ARHGAP26: variants seen among roughly 807,000 people sequenced by gnomAD.
ARHGAP26 encodes the protein rho GTPase-activating protein 26.
A neutral mutation model predicts 104.8 loss-of-function variants in ARHGAP26; 38 were observed. That is an observed-to-expected ratio of 0.36 (90% CI 0.28 to 0.48). ARHGAP26 has a LOEUF of 0.48. ARHGAP26 is among the 20% of genes least tolerant of loss of function. ARHGAP26 has a pLI of 0.99. For missense variants in ARHGAP26, 704 were observed against 947.9 expected, an observed-to-expected ratio of 0.74 and a Z score of 3.38; for synonymous variants, 341 against 340.0, an observed-to-expected ratio of 1.00 and a Z score of -0.03.
intron 14 of ARHGAP26, among the ~76,000 whole-genome samples, chr5:143,043,319 C>T (rs1783745889): frequency 6.6e-6 from 1 of 152,140 alleles, no homozygotes; most frequent in African/African-American, 2.4e-5. Flanking sequence ...TTGGGATTGG[C>T]ATTGTTTTTC....
chr5:143,092,946 G>A (rs906858371), intron 17 of ARHGAP26, among the ~76,000 whole-genome samples: 1 of 152,232 alleles, frequency 6.6e-6, no homozygotes, highest in African/African-American at 2.4e-5. Context: ...CTCAATCACC[G>A]GGGAGGAACC....
At chr5:142,851,389 G>A (rs112664710) in intron 1 of ARHGAP26, among the ~76,000 whole-genome samples, 2,875 of 152,274 alleles carry the variant, frequency 0.019, 101 homozygotes, top group African/African-American at 0.063. Context: ...GAGCCGCTGC[G>A]CCCAGCCGGA....
intron 19 of ARHGAP26, among the ~76,000 whole-genome samples, chr5:143,137,724 C>G (rs892618775): frequency 6.6e-6 from 1 of 152,234 alleles, no homozygotes; most frequent in Non-Finnish European, 1.5e-5. Flanking sequence ...TCAGTCCTCT[C>G]TCCAGTCCGC....
intron 4 of ARHGAP26, among the ~76,000 whole-genome samples, chr5:142,880,437 G>T (rs1756805843): frequency 6.6e-6 from 1 of 151,968 alleles, no homozygotes; most frequent in Admixed American, 6.6e-5. Context: ...AGAATCGCTT[G>T]AACCCAGGAG....
intron 18 of ARHGAP26, among the ~76,000 whole-genome samples, chr5:143,122,533 G>T (rs189419782): frequency 6.6e-6 from 1 of 152,314 alleles, no homozygotes; most frequent in African/African-American, 2.4e-5. Context: ...TTAGTTTAAA[G>T]ATGTTAATTG....
In ARHGAP26 at chr5:142,867,288, G is replaced by GGTGTGTGT. The variant is rs70991782; in HGVS notation, c.155-6079_155-6072dup. 8.8e-3 allele frequency among the ~76,000 whole-genome samples: 1,262 copies of GGTGTGTGT among 143,682 alleles called. 10 individuals are homozygous for GGTGTGTGT. The highest frequency in any genetic ancestry group is 0.025 in the African/African-American group (968 of 39,148). The allele number at this position is 143,682 out of a possible 152,430, so 94.3% of individuals were successfully genotyped here. On this transcript the variant is annotated intron_variant, in intron 1 of 22. Coordinates refer to ENST00000645722, the MANE Select transcript of ARHGAP26 (RefSeq NM_001135608.3). The stretch of plus-strand genomic sequence containing the variant: ...TTGTTTCATTCTAAGATTTGCACAG[G>GGTGTGTGT]GTGTGTGTGTGTGTGTGTGTGTGTG...
At chr5:143,073,743 C>T (rs1788597520) in intron 17 of ARHGAP26, among the ~76,000 whole-genome samples, 1 of 152,200 alleles carries the variant, frequency 6.6e-6, no homozygotes, top group South Asian at 2.1e-4. Context: ...CCATCAGTAT[C>T]TTAACTTGGG....
At chr5:143,177,554 G>C (rs752398477) in intron 20 of ARHGAP26, among the ~76,000 whole-genome samples, 1 of 152,206 alleles carries the variant, frequency 6.6e-6, no homozygotes, top group East Asian at 1.9e-4. Context: ...GAGACAAGGT[G>C]CTGTCGGCAG....
chr5:142,814,234 G>C (rs1764675840), intron 1 of ARHGAP26, among the ~76,000 whole-genome samples: 1 of 152,246 alleles, frequency 6.6e-6, no homozygotes, highest in African/African-American at 2.4e-5. Flanking sequence ...ACTTTGTCAA[G>C]AGTTGGGAAC....
intron 14 of ARHGAP26, among the ~76,000 whole-genome samples, chr5:143,046,007 A>G (rs979325785): frequency 2.0e-5 from 3 of 152,124 alleles, no homozygotes; most frequent in African/African-American, 7.2e-5. Context: ...GGTGGTGCAC[A>G]CCTGTAATCC....
At chr5:142,799,242 T>C (rs1390996260) in intron 1 of ARHGAP26, among the ~76,000 whole-genome samples, 3 of 152,110 alleles carry the variant, frequency 2.0e-5, no homozygotes, top group Admixed American at 1.3e-4. Flanking sequence ...TTTAGAGATA[T>C]GTGTTTCTGC....
At chr5:143,128,700 G>A (rs373107339) in intron 18 of ARHGAP26, among the ~76,000 whole-genome samples, 1 of 152,228 alleles carries the variant, frequency 6.6e-6, no homozygotes, top group Non-Finnish European at 1.5e-5. Flanking sequence ...GTGCTCAACT[G>A]TTGTAGGTCT....
chr5:143,211,882 GC>G (rs1248926843), intron 21 of ARHGAP26, among the ~76,000 whole-genome samples: 1 of 152,060 alleles, frequency 6.6e-6, no homozygotes, highest in Non-Finnish European at 1.5e-5. Flanking sequence ...CTATGTTATT[GC>G]CACTTCATTA....
intron 1 of ARHGAP26, among the ~76,000 whole-genome samples, chr5:142,786,890 C>G (rs889342768): frequency 6.6e-6 from 1 of 152,028 alleles, no homozygotes; most frequent in Non-Finnish European, 1.5e-5. Flanking sequence ...CGTGATCTGC[C>G]CGCCTTGGCC....
In ARHGAP26 at chr5:143,012,544, C is replaced by CATATATATATATATATATAT. The variant is rs1562259165; in HGVS notation, c.1108-1533_1108-1532insTATATATATATATATATATA. ...GTCACTGGAGGGATATATTTATATA[C>CATATATATATATATATATAT]ATACATACATATATATATATATATA... On this transcript the variant is annotated intron_variant, in intron 11 of 22. Coordinates refer to ENST00000645722, the MANE Select transcript of ARHGAP26 (RefSeq NM_001135608.3). Among the ~76,000 whole-genome samples, 6 of 43,080 alleles carry CATATATATATATATATATAT rather than the reference C, an allele frequency of 1.4e-4. 1 individual carries two copies. Among genetic ancestry groups the CATATATATATATATATATAT allele is most frequent in the African/African-American group, 2.5e-4 (4 of 15,842 alleles). The allele number at this position is 43,080 out of a possible 152,430, so 28.3% of individuals were successfully genotyped here.
chr5:142,801,067 G>C (rs767528222), intron 1 of ARHGAP26, among the ~76,000 whole-genome samples: 2 of 152,162 alleles, frequency 1.3e-5, no homozygotes, highest in Non-Finnish European at 2.9e-5. Flanking sequence ...TCCTGTTCTT[G>C]AGGCATCTTT....
At chr5:142,848,015 C>T (rs563841290) in intron 1 of ARHGAP26, among the ~76,000 whole-genome samples, 1 of 152,194 alleles carries the variant, frequency 6.6e-6, no homozygotes, top group African/African-American at 2.4e-5. Context: ...TGCCTACCAC[C>T]TGGGAGGGGC....
intron 1 of ARHGAP26, among the ~76,000 whole-genome samples, chr5:142,790,851 T>C (rs1048086225): frequency 6.6e-6 from 1 of 152,166 alleles, no homozygotes; most frequent in African/African-American, 2.4e-5. Context: ...TGACCTAAAG[T>C]CTCAGGTAGC....
intron 21 of ARHGAP26, among the ~76,000 whole-genome samples, chr5:143,207,911 C>T (rs573499980): frequency 1.3e-5 from 2 of 152,352 alleles, no homozygotes; most frequent in South Asian, 2.1e-4. Flanking sequence ...GGGGGAGAGA[C>T]GTCGAACATA....
Sources: allele counts gnomAD v4.1 joint callset (sites outside exome capture counted in the v4.1 genomes callset), GRCh38; gene constraint gnomAD v4.1.1; transcripts MANE v1.5; gene names NCBI Gene and HGNC (gene_info 2026-07-23, HGNC 2026-07-21).